Variants in TAC4 observed in about 807,000 individuals in gnomAD.
TAC4 encodes the protein tachykinin precursor 4.
In TAC4, 17 loss-of-function variants were observed where a neutral mutation model predicts 17.7. That is an observed-to-expected ratio of 0.96 (90% CI 0.66 to 1.44). The LOEUF is 1.44. TAC4 is among the 40% of genes most tolerant of loss of function. TAC4 has a pLI of 0.00. For missense variants in TAC4, 118 were observed against 125.6 expected, an observed-to-expected ratio of 0.94 and a Z score of 0.29; for synonymous variants, 62 against 52.4, an observed-to-expected ratio of 1.18 and a Z score of -0.79.
intron 1 of TAC4, chr17:49,846,131 A>G (rs1284021383): frequency 6.4e-6 from 7 of 1,096,730 alleles, no homozygotes; most frequent in Non-Finnish European, 8.5e-6. Context: ...TTGGTTTCCC[A>G]TTCACTCCGA....
At chr17:49,842,152 C>T (rs886967362) in intron 2 of TAC4, among the ~76,000 whole-genome samples, 9 of 151,698 alleles carry the variant, frequency 5.9e-5, no homozygotes, top group African/African-American at 2.2e-4. Flanking sequence ...GATCTTCCCA[C>T]CTCAGCCTCA....
chr17:49,843,963 C>G (rs781424222), intron 2 of TAC4, 101 bp downstream of exon 2: 2 of 1,050,158 alleles, frequency 1.9e-6, no homozygotes, highest in Middle Eastern at 2.1e-4. Context: ...GACTGGAGTA[C>G]CTGACCCCAG....
At chr17:49,846,913 T>A (rs1361252776) in intron 1 of TAC4, 1 of 1,262,688 alleles carries the variant, frequency 7.9e-7, no homozygotes, top group Non-Finnish European at 1.0e-6. Flanking sequence ...GGGGGTCACT[T>A]CCCTCCTCCG....
intron 2 of TAC4, among the ~76,000 whole-genome samples, chr17:49,843,266 C>G (rs117162938): frequency 6.6e-6 from 1 of 152,260 alleles, no homozygotes; most frequent in Non-Finnish European, 1.5e-5. Flanking sequence ...GAAAACTGCT[C>G]TGTGTGCAGA....
Position 49,841,551 on chromosome 17 carries a change from C to A in TAC4, c.232+1G>T. The A allele has an allele frequency of 6.3e-7, 1 of 1,582,918 alleles. No individual in the cohort carries two copies. The highest frequency in any genetic ancestry group is 8.6e-7 in the Non-Finnish European group (1 of 1,165,484). On this transcript the variant is annotated splice_donor_variant, in intron 3 of 4. Transcript: ENST00000436235. LOFTEE classifies it high-confidence loss of function. ...TGAAGGCAGGTTTGGGCAATACTTA[C>A]CTTTTTTTCTCCTTGGCTGGATCAG... is the stretch of plus-strand genomic sequence containing the variant.
chr17:49,846,273 A>G (rs1378664508), intron 1 of TAC4: 1 of 1,191,160 alleles, frequency 8.4e-7, no homozygotes, highest in Admixed American at 3.4e-5. Flanking sequence ...CATTCCTGTT[A>G]CCTCATTTTT....
chr17:49,843,938 G>T (rs554451063), intron 2 of TAC4, 126 bp downstream of exon 2: 8 of 792,278 alleles, frequency 1.0e-5, no homozygotes, highest in African/African-American at 1.7e-5. Context: ...CCCATCTCAT[G>T]AGCGACCCCT....
At position 49,848,066 on chromosome 17, in the gene TAC4, A is replaced by G; in HGVS notation, c.-49T>C. 1 of 1,608,290 alleles carries G rather than the reference A, an allele frequency of 6.2e-7. No individual in the cohort carries two copies. The highest frequency in any genetic ancestry group is 2.2e-5 in the East Asian group (1 of 44,788). ...TCTCTGGGAGCCCCTCTCAGCTTGAAGATGCCTCCTGCAGGCTTTGGTTTG... is the reference window on the plus strand; with the variant it reads ...TCTCTGGGAGCCCCTCTCAGCTTGAGGATGCCTCCTGCAGGCTTTGGTTTG... On this transcript the variant is annotated 5_prime_UTR_variant, in exon 1 of 5. Transcript: ENST00000436235.
intron 2 of TAC4, 45 bp from the exon 3 acceptor site, chr17:49,841,629 C>A: frequency 6.6e-7 from 1 of 1,508,288 alleles, no homozygotes; most frequent in Non-Finnish European, 8.9e-7. Flanking sequence ...GCACTGCTTC[C>A]CTGGGGGCTT....
intron 2 of TAC4, 104 bp from the exon 3 acceptor site, chr17:49,841,688 G>A (rs2144039076): frequency 8.5e-7 from 1 of 1,173,850 alleles, no homozygotes; most frequent in Non-Finnish European, 1.2e-6. Context: ...GCATTGGTGG[G>A]TCTTCAGTAG....
At chr17:49,841,349 C>T (rs75538962) in intron 3 of TAC4, among the ~76,000 whole-genome samples, 41 of 151,616 alleles carry the variant, frequency 2.7e-4, no homozygotes, top group East Asian at 1.9e-3. Flanking sequence ...TCCCTGCAGC[C>T]GCTCCTTAGG....
intron 1 of TAC4, chr17:49,846,081 C>T: frequency 1.9e-6 from 1 of 525,948 alleles, no homozygotes; most frequent in Non-Finnish European, 3.0e-6. Flanking sequence ...CTTTCTCCCC[C>T]ACTGGGTTTC....
intron 2 of TAC4, among the ~76,000 whole-genome samples, chr17:49,842,956 T>C (rs1173463875): frequency 1.3e-5 from 2 of 152,262 alleles, no homozygotes; most frequent in African/African-American, 4.8e-5. Flanking sequence ...TTCTCTTTAA[T>C]GGCCACAAGG....
At chr17:49,843,131 A>C (rs117849908) in intron 2 of TAC4, among the ~76,000 whole-genome samples, 2 of 152,260 alleles carry the variant, frequency 1.3e-5, no homozygotes, top group African/African-American at 4.8e-5. Flanking sequence ...AAAGGTAAGC[A>C]CATTTCCAAC....
intron 4 of TAC4, 72 bp from the exon 5 acceptor site, chr17:49,838,745 T>G (rs1301277788): frequency 6.5e-7 from 1 of 1,527,922 alleles, no homozygotes; most frequent in African/African-American, 1.4e-5. Context: ...TTAGAAGTCT[T>G]CCCTAGTTGC....
chr17:49,846,815 T>C, intron 1 of TAC4: 1 of 553,486 alleles, frequency 1.8e-6, no homozygotes, highest in Non-Finnish European at 2.8e-6. Flanking sequence ...GTGAGGCCCA[T>C]CACCCAGCAA....
At chr17:49,840,353 C>T (rs1035649613) in intron 3 of TAC4, among the ~76,000 whole-genome samples, 5 of 152,078 alleles carry the variant, frequency 3.3e-5, no homozygotes, top group Admixed American at 6.5e-5. Context: ...TGTCTGTGTA[C>T]GGCAGGCAGT....
At chr17:49,847,418 G>T in intron 1 of TAC4, 2 of 509,112 alleles carry the variant, frequency 3.9e-6, no homozygotes, top group South Asian at 4.0e-5. Context: ...CCCCTTGAAA[G>T]AAAATTCTGG....
intron 4 of TAC4, 24 bp downstream of exon 4, chr17:49,839,826 C>T (rs190917059): frequency 6.2e-7 from 1 of 1,603,530 alleles, no homozygotes; most frequent in East Asian, 2.2e-5. Flanking sequence ...GATGCCCTTG[C>T]AACCACCAGC....
Sources: gnomAD v4.1 joint callset for allele counts (sites outside exome capture counted in the v4.1 genomes callset) on GRCh38, gnomAD v4.1.1 for gene constraint, MANE v1.5 for transcripts, NCBI Gene and HGNC (gene_info 2026-07-23, HGNC 2026-07-21) for gene names.